The following ADAMTS18 variants were observed in gnomAD, a reference collection of about 807,000 sequenced individuals.
The protein encoded by ADAMTS18 is ADAM metallopeptidase with thrombospondin type 1 motif 18, also known as A disintegrin and metalloproteinase with thrombospondin motifs 18.
ADAMTS18 carries 157 observed loss-of-function variants against 165.9 expected under a neutral mutation model. The ratio of observed to expected loss-of-function variants is 0.95; its 90% CI spans 0.83 to 1.08. The LOEUF is 1.08. ADAMTS18 is among the 50% of genes least tolerant of loss of function. ADAMTS18 has a pLI of 0.00. For synonymous variants in ADAMTS18, 782 were observed against 578.2 expected (o/e 1.35, Z -5.06); for missense variants, 2,040 against 1,534.0 (o/e 1.33, Z -5.51).
intron 4 of ADAMTS18, among the ~76,000 whole-genome samples, chr16:77,365,068 T>A (rs1200266143): frequency 6.6e-6 from 1 of 152,164 alleles, no homozygotes; most frequent in Non-Finnish European, 1.5e-5. Flanking sequence ...ATCACCCCAC[T>A]GCAGTCCATA....
At chr16:77,344,694 A>G (rs2144694451) in intron 10 of ADAMTS18, among the ~76,000 whole-genome samples, 1 of 152,190 alleles carries the variant, frequency 6.6e-6, no homozygotes, top group Admixed American at 6.6e-5. Flanking sequence ...GCCAAGCCAC[A>G]GAACCAAGAG....
intron 18 of ADAMTS18, among the ~76,000 whole-genome samples, chr16:77,295,904 C>A (rs867750354): frequency 6.6e-6 from 1 of 151,840 alleles, no homozygotes; most frequent in Non-Finnish European, 1.5e-5. Flanking sequence ...AGTGCAATGG[C>A]TCGATCTCAG....
intron 3 of ADAMTS18, among the ~76,000 whole-genome samples, chr16:77,421,820 G>C (rs1653975351): frequency 6.6e-6 from 1 of 151,958 alleles, no homozygotes; most frequent in Admixed American, 6.6e-5. Context: ...ATATCTCCAT[G>C]TTATTTTTCA....
chr16:77,422,176 G>C (rs2057611234), intron 3 of ADAMTS18, among the ~76,000 whole-genome samples: 1 of 152,064 alleles, frequency 6.6e-6, no homozygotes, highest in Non-Finnish European at 1.5e-5. Context: ...ATATGGTTTA[G>C]TCTTGTTTGG....
Position 77,290,659 on chromosome 16 carries a change from G to C in ADAMTS18, c.3402+607C>G, listed in dbSNP as rs576624140. On this transcript the variant is annotated intron_variant, in intron 21 of 22. Coordinates refer to ENST00000282849, the MANE Select transcript of ADAMTS18 (RefSeq NM_199355.4). ...AGCTGTGCAGCAACATCTGCTGGGTGGAATGCTGGAAGGACCGCGTCACAC... is the reference window on the plus strand; with the variant it reads ...AGCTGTGCAGCAACATCTGCTGGGTCGAATGCTGGAAGGACCGCGTCACAC... 1.5e-3 allele frequency: 241 copies of C among 163,162 alleles called. 1 individual carries two copies. The highest frequency in any genetic ancestry group is 5.6e-3 in the African/African-American group (232 of 41,662). 10.1% of individuals were successfully genotyped at this position (163,162 alleles called of 1,614,324 possible). A position where few individuals can be genotyped will look rare whatever the true frequency, so the allele number is the denominator to read the frequency against.
At chr16:77,298,781 GATCCT>G (rs375249276) in intron 17 of ADAMTS18, among the ~76,000 whole-genome samples, 62 of 152,316 alleles carry the variant, frequency 4.1e-4, no homozygotes, top group Non-Finnish European at 6.8e-4. Flanking sequence ...GACAGAGTGA[GATCCT>G]ATCTCAAGAA....
At chr16:77,304,837 C>G (rs1010787200) in intron 16 of ADAMTS18, among the ~76,000 whole-genome samples, 128 of 152,242 alleles carry the variant, frequency 8.4e-4, no homozygotes, top group African/African-American at 2.9e-3. Flanking sequence ...GTTTTATGGC[C>G]AGTAGCATAT....
intron 3 of ADAMTS18, among the ~76,000 whole-genome samples, chr16:77,413,929 G>C (rs1388140950): frequency 6.6e-6 from 1 of 151,854 alleles, no homozygotes; most frequent in Non-Finnish European, 1.5e-5. Flanking sequence ...ATCTTCAAAA[G>C]AAACATTTAA....
At chr16:77,306,696 T>C (rs536516870) in intron 16 of ADAMTS18, among the ~76,000 whole-genome samples, 1 of 152,328 alleles carries the variant, frequency 6.6e-6, no homozygotes, top group Non-Finnish European at 1.5e-5. Context: ...GCTTTAAAAT[T>C]AACAATGCCT....
rs181711123 is a variant in ADAMTS18, at chr16:77,326,320, C to T, written c.1860-282G>A. Among the ~76,000 whole-genome samples the T allele has an allele frequency of 4.1e-3, 628 of 152,326 alleles. 3 individuals are homozygous for T. Among genetic ancestry groups the T allele is most frequent in the Middle Eastern group, 0.017 (5 of 294 alleles). On this transcript the variant is annotated intron_variant, in intron 12 of 22. Transcript: ENST00000282849. ...ATGCTAAATCAAATTTATTTGCCATCACCAATCCAATATTTACATTCTGTT... is the reference window on the plus strand; with the variant it reads ...ATGCTAAATCAAATTTATTTGCCATTACCAATCCAATATTTACATTCTGTT...
At chr16:77,434,563 C>A in intron 1 of ADAMTS18, 43 bp downstream of exon 1, 1 of 1,530,096 alleles carries the variant, frequency 6.5e-7, no homozygotes, top group Admixed American at 2.0e-5. Flanking sequence ...GCGTCGGGCG[C>A]CCCCTGCCAC....
At chr16:77,293,940 G>T (rs894847644) in intron 19 of ADAMTS18, among the ~76,000 whole-genome samples, 1 of 151,750 alleles carries the variant, frequency 6.6e-6, no homozygotes, top group Non-Finnish European at 1.5e-5. Flanking sequence ...ATGACCTGGG[G>T]GTTGGGGACC....
In ADAMTS18 at chr16:77,294,002, C is replaced by G. The variant is rs1276546079; in HGVS notation, c.3007-744G>C. Among the ~76,000 whole-genome samples, 4 of 151,964 alleles carry G rather than the reference C, an allele frequency of 2.6e-5. No homozygotes were observed. In the East Asian group the frequency reaches 7.7e-4, roughly 29 times the overall value. ...TTAAAAAATAAAGCCCTACTCTGAC[C>G]TCTGGTAGTGTATTGCTGAAATTAA... On this transcript the variant is annotated intron_variant, in intron 19 of 22. Transcript: ENST00000282849.
At chr16:77,371,163 C>T (rs919564489) in intron 3 of ADAMTS18, among the ~76,000 whole-genome samples, 2 of 151,308 alleles carry the variant, frequency 1.3e-5, no homozygotes, top group African/African-American at 2.4e-5. Flanking sequence ...TGCAGTGGGC[C>T]GAAATCATTC....
At chr16:77,384,812 A>G (rs1249148252) in intron 3 of ADAMTS18, among the ~76,000 whole-genome samples, 7 of 131,270 alleles carry the variant, frequency 5.3e-5, no homozygotes, top group Admixed American at 1.7e-4. Context: ...TTCTGATACC[A>G]TTTTTGCTTC....
In ADAMTS18 at chr16:77,355,012, C is replaced by A. The variant is rs574258027; in HGVS notation, c.1460+928G>T. Reference sequence around the variant, plus strand: ...GGGCATATGTGGTTAGATATCTTCACGTTTAATATGCTTTGTGTATAGATC... The same window carrying A: ...GGGCATATGTGGTTAGATATCTTCAAGTTTAATATGCTTTGTGTATAGATC... On this transcript the variant is annotated intron_variant, in intron 9 of 22. Coordinates refer to ENST00000282849, the MANE Select transcript of ADAMTS18 (RefSeq NM_199355.4). Among the ~76,000 whole-genome samples the A allele has an allele frequency of 6.9e-4, 105 of 152,194 alleles. 1 individual carries two copies. Among genetic ancestry groups the A allele is most frequent in the African/African-American group, 2.4e-3 (98 of 41,540 alleles).
At chr16:77,342,673 T>C in intron 10 of ADAMTS18, among the ~76,000 whole-genome samples, 1 of 152,346 alleles carries the variant, frequency 6.6e-6, no homozygotes, top group Admixed American at 6.5e-5. Context: ...TTCATTCTCA[T>C]GCTAGACTGT....
At chr16:77,364,735 A>G (rs2056767399) in intron 4 of ADAMTS18, among the ~76,000 whole-genome samples, 1 of 130,500 alleles carries the variant, frequency 7.7e-6, no homozygotes, top group Non-Finnish European at 1.6e-5. Flanking sequence ...GGAAAAAAAA[A>G]GAAAGAAAGA....
At chr16:77,397,056 G>T (rs1280704835) in intron 3 of ADAMTS18, among the ~76,000 whole-genome samples, 1 of 152,068 alleles carries the variant, frequency 6.6e-6, no homozygotes, top group Non-Finnish European at 1.5e-5. Flanking sequence ...TGATCCACCT[G>T]CCTCAGCCTC....
Sources: gnomAD v4.1 joint callset for allele counts (sites outside exome capture counted in the v4.1 genomes callset) on GRCh38, gnomAD v4.1.1 for gene constraint, MANE v1.5 for transcripts, NCBI Gene and HGNC (gene_info 2026-07-23, HGNC 2026-07-21) for gene names.